C13orf42: variants seen among roughly 807,000 people sequenced by gnomAD.
C13orf42 encodes the protein uncharacterized protein C13orf42.
intron 1 of C13orf42, among the ~76,000 whole-genome samples, chr13:51,147,100 G>C (rs1288652815): frequency 6.6e-6 from 1 of 152,248 alleles, no homozygotes; most frequent in Admixed American, 6.5e-5. Context: ...GCATCCCAGG[G>C]AAGTCCCAGG....
intron 1 of C13orf42, among the ~76,000 whole-genome samples, chr13:51,165,519 A>C (rs1953896564): frequency 6.7e-6 from 1 of 150,008 alleles, no homozygotes; most frequent in African/African-American, 2.4e-5. Context: ...GTTTGGGAAG[A>C]AGAGCCGGAG....
chr13:51,150,500 A>G (rs1953770019), intron 1 of C13orf42, among the ~76,000 whole-genome samples: 1 of 152,246 alleles, frequency 6.6e-6, no homozygotes, highest in Non-Finnish European at 1.5e-5. Flanking sequence ...TCCTGGTCAC[A>G]ACCAAAACAT....
chr13:51,160,239 A>G (rs926048291), intron 1 of C13orf42, among the ~76,000 whole-genome samples: 1 of 152,220 alleles, frequency 6.6e-6, no homozygotes, highest in African/African-American at 2.4e-5. Context: ...TGGGACGAGA[A>G]TGGTGGCTCA....
Position 51,147,822 on chromosome 13 carries a change from T to C in C13orf42, n.136+24431A>G, listed in dbSNP as rs570142717. On this transcript the variant is annotated intron_variant and non_coding_transcript_variant, in intron 1 of 4. Transcript: ENST00000433280. ...CCTGAGAGATGTTTAAAAATACCCA[T>C]GCCTGATCCTCCTCACAGACCAATT... 5.9e-4 allele frequency among the ~76,000 whole-genome samples: 90 copies of C among 152,314 alleles called. 1 individual carries two copies. Among genetic ancestry groups the C allele is most frequent in the African/African-American group, 2.0e-3 (83 of 41,568 alleles).
intron 1 of C13orf42, among the ~76,000 whole-genome samples, chr13:51,144,407 A>AT (rs1210697890): frequency 3.4e-5 from 4 of 118,186 alleles, no homozygotes; most frequent in African/African-American, 1.3e-4. Context: ...AATTTAGAGC[A>AT]TATTTGTTTC....
intron 1 of C13orf42, among the ~76,000 whole-genome samples, chr13:51,125,565 G>A (rs559887827): frequency 2.0e-4 from 30 of 152,262 alleles, no homozygotes; most frequent in African/African-American, 6.5e-4. Context: ...TTAATCAATT[G>A]CTGAAAGTGA....
At chr13:51,146,109 T>C (rs191041764) in intron 1 of C13orf42, among the ~76,000 whole-genome samples, 119 of 152,274 alleles carry the variant, frequency 7.8e-4, no homozygotes, top group African/African-American at 2.8e-3. Flanking sequence ...AAAGGGTAAA[T>C]CTCATGTTAA....
intron 1 of C13orf42, among the ~76,000 whole-genome samples, chr13:51,133,179 G>A (rs371216417): frequency 2.1e-4 from 32 of 152,136 alleles, no homozygotes; most frequent in South Asian, 4.2e-4. Flanking sequence ...TTTACTATAC[G>A]GACTCACCGT....
At chr13:51,158,199 C>A (rs1034979120) in intron 1 of C13orf42, among the ~76,000 whole-genome samples, 2 of 152,160 alleles carry the variant, frequency 1.3e-5, no homozygotes, top group African/African-American at 4.8e-5. Context: ...AGGATTTGAA[C>A]CATCTTTGTC....
chr13:51,147,269 T>C (rs1398438517), intron 1 of C13orf42, among the ~76,000 whole-genome samples: 1 of 152,224 alleles, frequency 6.6e-6, no homozygotes. Flanking sequence ...GAACAGTCTC[T>C]GTGAGAGTCA....
chr13:51,119,869 T>C (rs3926803), intron 1 of C13orf42, among the ~76,000 whole-genome samples: 54,880 of 151,768 alleles, frequency 0.36, 12,015 homozygotes, highest in African/African-American at 0.61. Flanking sequence ...CGCCACTAAA[T>C]TGTACATTTA....
At chr13:51,153,363 C>T (rs1010245282) in intron 1 of C13orf42, among the ~76,000 whole-genome samples, 1 of 151,958 alleles carries the variant, frequency 6.6e-6, no homozygotes, top group Non-Finnish European at 1.5e-5. Flanking sequence ...GTCCTGGGCA[C>T]CTATAAGTGT....
rs1329454023 is a variant in C13orf42 at position 51,136,279 on chromosome 13, AC to A, written n.137-23058del. 2.0e-5 allele frequency among the ~76,000 whole-genome samples: 3 copies of A among 152,284 alleles called. No homozygotes were observed. In the East Asian group the frequency reaches 5.8e-4, roughly 29 times the overall value. On this transcript the variant is annotated intron_variant and non_coding_transcript_variant, in intron 1 of 4. Coordinates refer to the C13orf42 transcript ENST00000433280. ...AGTTTTGTTCCACTGGTAGGAAGAC[AC>A]AGATAACCCCCAACCCACCCCCAAA...
chr13:51,136,476 A>G (rs1953658742), intron 1 of C13orf42, among the ~76,000 whole-genome samples: 1 of 152,162 alleles, frequency 6.6e-6, no homozygotes, highest in Non-Finnish European at 1.5e-5. Context: ...GCAGAGAAGG[A>G]TTTGGACAGC....
intron 1 of C13orf42, among the ~76,000 whole-genome samples, chr13:51,166,835 T>C (rs1953905769): frequency 1.3e-5 from 2 of 152,146 alleles, no homozygotes; most frequent in African/African-American, 4.8e-5. Context: ...TCCAAGCACC[T>C]TGGGAGGCCG....
chr13:51,118,945 C>G (rs761911247), intron 1 of C13orf42, among the ~76,000 whole-genome samples: 1 of 151,906 alleles, frequency 6.6e-6, no homozygotes, highest in Admixed American at 6.5e-5. Context: ...ATGGCATGCT[C>G]TGGTGTATGG....
intron 1 of C13orf42, among the ~76,000 whole-genome samples, chr13:51,092,237 C>G (rs1953187407): frequency 2.0e-5 from 3 of 152,194 alleles, no homozygotes; most frequent in Admixed American, 6.5e-5. Flanking sequence ...GTTATGCCAC[C>G]TCCCCCAAGT....
chr13:51,165,225 T>C lies in C13orf42; in HGVS notation n.136+7028A>G, dbSNP rs1328877743. On this transcript the variant is annotated intron_variant and non_coding_transcript_variant, in intron 1 of 4. Coordinates refer to the C13orf42 transcript ENST00000433280. ...CTGCCTTATGCTGACTCTGTCCCTG[T>C]ATCAAAAGCTATAGCTCCCACCAGC... 4.6e-5 allele frequency among the ~76,000 whole-genome samples: 7 copies of C among 152,314 alleles called. 1 individual carries two copies. Among genetic ancestry groups the C allele is most frequent in the Middle Eastern group, 6.8e-3 (2 of 294 alleles).
chr13:51,165,058 C>G (rs577774577), intron 1 of C13orf42, among the ~76,000 whole-genome samples: 12 of 152,314 alleles, frequency 7.9e-5, no homozygotes, highest in South Asian at 4.1e-4. Context: ...CTCCCTTTGC[C>G]TCCCTGTTGC....
Sources: gnomAD v4.1 joint callset for allele counts (sites outside exome capture counted in the v4.1 genomes callset) on GRCh38, gnomAD v4.1.1 for gene constraint, MANE v1.5 for transcripts, NCBI Gene and HGNC (gene_info 2026-07-23, HGNC 2026-07-21) for gene names.